Variants in FBXO25 observed in about 807,000 individuals in gnomAD.
FBXO25 encodes the protein F-box only protein 25.
In FBXO25, 45 loss-of-function variants were observed where a neutral mutation model predicts 51.9. That is an observed-to-expected ratio of 0.87 (90% confidence interval 0.68 to 1.11). The LOEUF (loss-of-function observed/expected upper bound fraction) is 1.11. Ranked by LOEUF, FBXO25 falls within the 50% of genes most tolerant of loss-of-function variation. The pLI, the probability that FBXO25 is intolerant of heterozygous loss-of-function variation, is 0.00. For synonymous variants in FBXO25, 199 were observed against 151.0 expected (o/e 1.32, Z -2.33); for missense variants, 507 against 428.5 (o/e 1.18, Z -1.62).
intron 9 of FBXO25, among the ~76,000 whole-genome samples, chr8:466,221 C>G (rs1045611211): frequency 6.6e-6 from 1 of 152,250 alleles, no homozygotes; most frequent in Non-Finnish European, 1.5e-5. Context: ...TGTCTTCCAT[C>G]TCCTCCGCCG....
At chr8:420,153 T>C (rs1797062163) in intron 2 of FBXO25, among the ~76,000 whole-genome samples, 1 of 152,092 alleles carries the variant, frequency 6.6e-6, no homozygotes, top group Admixed American at 6.5e-5. Context: ...GCTAGAGATA[T>C]AACAGTATGT....
chr8:468,017 G>C, intron 9 of FBXO25: 9 of 1,307,110 alleles, frequency 6.9e-6, no homozygotes, highest in Admixed American at 3.6e-5. Context: ...ACAGCACCTG[G>C]TTTGGCAGCA....
intron 5 of FBXO25, among the ~76,000 whole-genome samples, chr8:436,009 A>G (rs955818179): frequency 6.6e-6 from 1 of 152,262 alleles, no homozygotes; most frequent in African/African-American, 2.4e-5. Flanking sequence ...ACGTACCTAC[A>G]TACTGTGTCA....
chr8:435,279 C>T (rs1160047118), intron 4 of FBXO25, among the ~76,000 whole-genome samples: 1 of 152,204 alleles, frequency 6.6e-6, no homozygotes, highest in South Asian at 2.1e-4. Context: ...TAGAATGAAT[C>T]CAGTTTTTTT....
chr8:428,736 A>G (rs1406474219), intron 2 of FBXO25, among the ~76,000 whole-genome samples: 5 of 151,916 alleles, frequency 3.3e-5, no homozygotes, highest in African/African-American at 7.3e-5. Context: ...CTGGCTTTCT[A>G]TTTTCTGTTT....
At chr8:427,872 G>C (rs1797589494) in intron 2 of FBXO25, among the ~76,000 whole-genome samples, 1 of 151,658 alleles carries the variant, frequency 6.6e-6, no homozygotes, top group African/African-American at 2.4e-5. Flanking sequence ...TCCTAGACTT[G>C]TGTGGAAATG....
At chr8:449,264 C>T (rs1272151283) in intron 5 of FBXO25, among the ~76,000 whole-genome samples, 1 of 152,158 alleles carries the variant, frequency 6.6e-6, no homozygotes, top group African/African-American at 2.4e-5. Context: ...CCACTTTTTC[C>T]TGCCATGATG....
At chr8:416,105 C>T (rs1796784909) in intron 2 of FBXO25, among the ~76,000 whole-genome samples, 1 of 152,198 alleles carries the variant, frequency 6.6e-6, no homozygotes, top group Non-Finnish European at 1.5e-5. Flanking sequence ...CACTTGCTCA[C>T]TCATTTATTC....
chr8:423,792 C>T (rs1381727074), intron 2 of FBXO25, among the ~76,000 whole-genome samples: 1 of 152,266 alleles, frequency 6.6e-6, no homozygotes, highest in South Asian at 2.1e-4. Context: ...GATTTATTTT[C>T]TTTTGGATAT....
chr8:423,436 C>T (rs1194070829), intron 2 of FBXO25, among the ~76,000 whole-genome samples: 7 of 151,746 alleles, frequency 4.6e-5, no homozygotes, highest in Non-Finnish European at 7.4e-5. Flanking sequence ...TTTTTTTAAC[C>T]CACCCCCACT....
intron 9 of FBXO25, among the ~76,000 whole-genome samples, chr8:463,924 G>A (rs923851203): frequency 1.3e-5 from 2 of 152,072 alleles, no homozygotes; most frequent in African/African-American, 4.8e-5. Context: ...AAGTAGCTGG[G>A]ACTACAGGCA....
intron 9 of FBXO25, among the ~76,000 whole-genome samples, chr8:466,932 G>C (rs867974341): frequency 6.6e-6 from 1 of 152,130 alleles, no homozygotes; most frequent in African/African-American, 2.4e-5. Flanking sequence ...CTTGTTGGCT[G>C]GGTCAGGGAA....
intron 1 of FBXO25, among the ~76,000 whole-genome samples, chr8:408,627 G>C (rs1401066167): frequency 6.6e-6 from 1 of 152,214 alleles, no homozygotes; most frequent in East Asian, 1.9e-4. Flanking sequence ...ATAAATGTTT[G>C]CCATTATTAT....
At chr8:450,935 C>T in intron 6 of FBXO25, 1 of 211,456 alleles carries the variant, frequency 4.7e-6, no homozygotes, top group Non-Finnish European at 9.3e-6. Context: ...CCCCACCAGC[C>T]CCTGGTAATT....
intron 7 of FBXO25, among the ~76,000 whole-genome samples, chr8:456,685 C>G (rs917482093): frequency 6.6e-6 from 1 of 152,166 alleles, no homozygotes; most frequent in Admixed American, 6.5e-5. Flanking sequence ...GAGCACTTCA[C>G]AAACTGTCAA....
intron 7 of FBXO25, among the ~76,000 whole-genome samples, chr8:457,459 G>T (rs903375760): frequency 6.6e-6 from 1 of 152,194 alleles, no homozygotes; most frequent in East Asian, 1.9e-4. Flanking sequence ...TCTGAGGGCA[G>T]ATGCATTGCA....
In FBXO25 at chr8:469,236, A is replaced by ATAT. The variant is rs1305908079; in HGVS notation, c.*434_*436dup. On this transcript the variant is annotated 3_prime_UTR_variant, in exon 10 of 10. Coordinates refer to ENST00000350302, the MANE Select transcript of FBXO25 (RefSeq NM_183420.2). Reference sequence around the variant, plus strand: ...GATCCTTGTAAATACATTGTACAGAATATTTATTTTTTCTCAAAATGCATT... The same window carrying ATAT: ...GATCCTTGTAAATACATTGTACAGAATATTATTTATTTTTTCTCAAAATGCATT... 6.4e-6 allele frequency: 1 copy of ATAT among 155,520 alleles called. No homozygotes were observed. Among genetic ancestry groups the ATAT allele is most frequent in the Non-Finnish European group, 1.4e-5 (1 of 70,368 alleles). The allele number at this position is 155,520 out of a possible 1,614,324, so 9.6% of individuals were successfully genotyped here.
intron 2 of FBXO25, among the ~76,000 whole-genome samples, chr8:424,232 T>G (rs1797335362): frequency 1.3e-5 from 2 of 152,070 alleles, no homozygotes; most frequent in South Asian, 4.1e-4. Context: ...TTTGTTTTTT[T>G]GCATAAGTTC....
chr8:458,796 C>T (rs1162131242), intron 8 of FBXO25, among the ~76,000 whole-genome samples: 1 of 152,194 alleles, frequency 6.6e-6, no homozygotes, highest in East Asian at 1.9e-4. Context: ...AAAGCAAGAA[C>T]TGAGTTCTTT....
Sources: allele counts gnomAD v4.1 joint callset (sites outside exome capture counted in the v4.1 genomes callset), GRCh38; gene constraint gnomAD v4.1.1; transcripts MANE v1.5; gene names NCBI Gene and HGNC (gene_info 2026-07-23, HGNC 2026-07-21).